Variants in GLIS2 observed in about 807,000 individuals in gnomAD.
The protein encoded by GLIS2 is GLIS family zinc finger 2.
In GLIS2, 14 loss-of-function variants were observed where a neutral mutation model predicts 35.6. The ratio of observed to expected loss-of-function variants is 0.39; its 90% CI spans 0.26 to 0.61. The LOEUF (loss-of-function observed/expected upper bound fraction) is 0.61. GLIS2 is among the 20% of genes least tolerant of loss of function. The probability of loss-of-function intolerance (pLI) is 0.48; values close to 1 mark genes in which losing one functional copy is unlikely to be tolerated. For synonymous variants in GLIS2, 368 were observed against 325.1 expected, an observed-to-expected ratio of 1.13 and a Z score of -1.42; for missense variants, 675 against 713.4, an observed-to-expected ratio of 0.95 and a Z score of 0.61.
intron 1 of GLIS2, among the ~76,000 whole-genome samples, chr16:4,322,020 G>A (rs1439988669): frequency 6.6e-6 from 1 of 152,198 alleles, no homozygotes; most frequent in African/African-American, 2.4e-5. Context: ...AGGCTGGGGA[G>A]GGTGAACCAG....
chr16:4,327,034 A>C (rs1014148748), intron 1 of GLIS2, among the ~76,000 whole-genome samples: 4 of 152,142 alleles, frequency 2.6e-5, no homozygotes, highest in Non-Finnish European at 5.9e-5. Flanking sequence ...CTGGGATTAC[A>C]GGCATGAGCC....
chr16:4,337,421 C>A lies in GLIS2; in HGVS notation c.1472C>A (p.Ser491Tyr). The change falls in exon 7 of 7, where the codon TCC becomes TAC. Residue 491 changes from serine (S) to tyrosine (Y), a missense_variant. Transcript: ENST00000433375. Reference protein sequence around the residue: ...PLLPGTVLDLSTGVNSAASSP... With the variant: ...PLLPGTVLDLYTGVNSAASSP... Reference sequence around the variant, plus strand: ...CTGCCAGGCACCGTGCTGGACCTGTCCACGGGCGTCAACTCAGCTGCCAGC... The same window carrying A: ...CTGCCAGGCACCGTGCTGGACCTGTACACGGGCGTCAACTCAGCTGCCAGC... The A allele has an allele frequency of 6.3e-7, 1 of 1,585,742 alleles. No homozygotes were observed. The highest frequency in any genetic ancestry group is 8.6e-7 in the Non-Finnish European group (1 of 1,167,918).
chr16:4,320,294 C>A lies in GLIS2; in HGVS notation c.-67+4040C>A, dbSNP rs1398819361. 6.6e-6 allele frequency among the ~76,000 whole-genome samples: 1 copy of A among 152,092 alleles called. No homozygotes were observed. The highest frequency in any genetic ancestry group is 1.9e-4 in the East Asian group (1 of 5,174). On this transcript the variant is annotated intron_variant, in intron 1 of 6. Transcript: ENST00000433375. The surrounding 1 kb of genome is among the most constrained non-coding windows in gnomAD (Gnocchi z 5.6). ...GACCGCTGAGTGGACTGAGTCAGCC[C>A]CCGGCCGGGAGCCTCCGGAAAACAG...
rs552030651 is a variant in GLIS2, at chr16:4,317,973, C to T, written c.-67+1719C>T. 7.9e-5 allele frequency among the ~76,000 whole-genome samples: 12 copies of T among 152,314 alleles called. 1 individual carries two copies. In the South Asian group the frequency reaches 1.7e-3, roughly 21 times the overall value. ...TTAAATCCCTCCAGCTGGGGCTCTT[C>T]GGCCCCTGAGTGACCCTGGCCCAGG... On this transcript the variant is annotated intron_variant, in intron 1 of 6. Transcript: ENST00000433375.
At chr16:4,329,784 G>A (rs1173651956) in intron 1 of GLIS2, among the ~76,000 whole-genome samples, 1 of 152,228 alleles carries the variant, frequency 6.6e-6, no homozygotes, top group East Asian at 1.9e-4. Flanking sequence ...CCAATACCGC[G>A]AAAGACGGGA....
At position 4,335,027 on chromosome 16, in the gene GLIS2, G is replaced by T. The variant is rs371844098; in HGVS notation, c.523-33G>T. 6.2e-7 allele frequency: 1 copy of T among 1,613,222 alleles called. No individual in the cohort carries two copies. The highest frequency in any genetic ancestry group is 1.1e-5 in the South Asian group (1 of 91,078). ...TGTGGAGTCTGGGGCAGGTCACCCC[G>T]CATGGGCTCAGAACACTTCCCATCC... On this transcript the variant is annotated intron_variant, in intron 4 of 6. Coordinates refer to ENST00000433375, the MANE Select transcript of GLIS2 (RefSeq NM_032575.3). The surrounding 1 kb of genome is among the most constrained non-coding windows in gnomAD (Gnocchi z 4.6).
At chr16:4,331,053 T>C (rs972113615) in intron 1 of GLIS2, among the ~76,000 whole-genome samples, 4 of 152,146 alleles carry the variant, frequency 2.6e-5, no homozygotes, top group Admixed American at 2.6e-4. Flanking sequence ...CTCGGCTCAC[T>C]GCAAGCTCTG....
In GLIS2 at chr16:4,335,425, T is replaced by C. The variant is rs1405434788; in HGVS notation, c.775+32T>C. On this transcript the variant is annotated intron_variant, in intron 6 of 6. Coordinates refer to ENST00000433375, the MANE Select transcript of GLIS2 (RefSeq NM_032575.3). This position sits in a 1 kb window ranked among gnomAD's most constrained non-coding sequence, Gnocchi z 4.6. ...GGCCGGGGCCGGGCGGCTTGGCCCA[T>C]GAAGGGGGCGCTCAGCTGAGACCGG... 6 of 1,597,500 alleles carry C rather than the reference T, an allele frequency of 3.8e-6. No homozygotes were observed. Among genetic ancestry groups the C allele is most frequent in the Non-Finnish European group, 5.1e-6 (6 of 1,166,232 alleles).
rs749658548 is a variant in GLIS2 at position 4,336,816 on chromosome 16, G to A, written c.867G>A (p.Val289=). The A allele has an allele frequency of 9.9e-6, 16 of 1,612,100 alleles. No homozygotes were observed. The highest frequency in any genetic ancestry group is 3.3e-5 in the Admixed American group (2 of 59,906). Residue 289 remains valine (V), a synonymous_variant, in exon 7 of 7, where the codon GTG becomes GTA. Transcript: ENST00000433375. ...TTAAGCACACGCGCACCCACTATGT[G>A]GACAAGCCCTACTACTGCAAGATGC... ...DRFKHTRTHY[V]DKPYYCKMPG...
chr16:4,317,340 A>T (rs1026035744), intron 1 of GLIS2, among the ~76,000 whole-genome samples: 4 of 152,036 alleles, frequency 2.6e-5, no homozygotes, highest in African/African-American at 9.7e-5. Flanking sequence ...GGCCTGGGCC[A>T]TGGTTCTTGG....
chr16:4,323,642 G>T (rs1208389117), intron 1 of GLIS2, among the ~76,000 whole-genome samples: 2 of 152,162 alleles, frequency 1.3e-5, no homozygotes, highest in African/African-American at 2.4e-5. Flanking sequence ...TGCCTCTGGT[G>T]GGGCATCTCC....
intron 6 of GLIS2, chr16:4,336,287 C>T: frequency 3.1e-6 from 1 of 319,618 alleles, no homozygotes; most frequent in Non-Finnish European, 6.1e-6. Flanking sequence ...GCTGGGATTA[C>T]AGGCACCTGC....
Position 4,320,534 on chromosome 16 carries a change from G to A in GLIS2, c.-67+4280G>A, listed in dbSNP as rs1006834883. On this transcript the variant is annotated intron_variant, in intron 1 of 6. Coordinates refer to ENST00000433375, the MANE Select transcript of GLIS2 (RefSeq NM_032575.3). The surrounding 1 kb of genome is among the most constrained non-coding windows in gnomAD (Gnocchi z 5.6). Reference sequence around the variant, plus strand: ...GTCTGGCCCTGACCCCTGAAATGTCGGTTTAGCCTGGGAATCCCCCCAGCT... The same window carrying A: ...GTCTGGCCCTGACCCCTGAAATGTCAGTTTAGCCTGGGAATCCCCCCAGCT... Among the ~76,000 whole-genome samples, 15 of 151,570 alleles carry A rather than the reference G, an allele frequency of 9.9e-5. No individual in the cohort carries two copies. Among genetic ancestry groups the A allele is most frequent in the African/African-American group, 1.5e-4 (6 of 40,978 alleles).
chr16:4,332,580 A>G lies in GLIS2; in HGVS notation c.172+128A>G. On this transcript the variant is annotated intron_variant, in intron 2 of 6. Transcript: ENST00000433375. This position sits in a 1 kb window ranked among gnomAD's most constrained non-coding sequence, Gnocchi z 5.4. ...GGCTTCCGGTTCATGGGAAGCCCGC[A>G]CGCTTGTCCTTCCATCCGCCCAGCA... The G allele has an allele frequency of 9.2e-7, 1 of 1,092,012 alleles. No individual in the cohort carries two copies. 67.6% of individuals were successfully genotyped at this position (1,092,012 alleles called of 1,614,324 possible).
chr16:4,328,617 T>G (rs2053463741), intron 1 of GLIS2, among the ~76,000 whole-genome samples: 1 of 152,188 alleles, frequency 6.6e-6, no homozygotes, highest in Non-Finnish European at 1.5e-5. Flanking sequence ...GGCTCTGGCC[T>G]GCATTGGAAT....
At chr16:4,334,706 ATGTCTC>A in intron 3 of GLIS2, 89 bp from the exon 4 acceptor site, 1 of 1,449,236 alleles carries the variant, frequency 6.9e-7, no homozygotes, top group African/African-American at 1.4e-5. Context: ...GAGGACCTGA[ATGTCTC>A]TGTTTGGGGA....
chr16:4,324,201 T>C (rs2053406961), intron 1 of GLIS2, among the ~76,000 whole-genome samples: 4 of 152,088 alleles, frequency 2.6e-5, no homozygotes, highest in Admixed American at 2.0e-4. Flanking sequence ...GGGGAGGGGC[T>C]GCCTACTGAG....
intron 3 of GLIS2, among the ~76,000 whole-genome samples, chr16:4,334,423 A>C (rs1321989413): frequency 6.6e-6 from 1 of 151,260 alleles, no homozygotes; most frequent in Non-Finnish European, 1.5e-5. Flanking sequence ...TTTTTAGCAG[A>C]CATGGGGTTT....
chr16:4,332,352 G>C lies in GLIS2; in HGVS notation c.72G>C (p.Arg24=). 1.2e-6 allele frequency: 2 copies of C among 1,613,164 alleles called. No individual in the cohort carries two copies. The highest frequency in any genetic ancestry group is 8.5e-7 in the Non-Finnish European group (1 of 1,180,022). Residue 24 remains arginine (R), a synonymous_variant, in exon 2 of 7, where the codon CGG becomes CGC. Transcript: ENST00000433375. The surrounding 1 kb of genome is among the most constrained non-coding windows in gnomAD (Gnocchi z 5.4). ...ITKLRAAREK[R]ERTLGVVRPR... ...AGCTCCGGGCGGCAAGAGAGAAGCG[G>C]GAGAGGACGCTGGGTGTGGTCCGGC...
Sources: gnomAD v4.1 joint callset for allele counts (sites outside exome capture counted in the v4.1 genomes callset) on GRCh38, gnomAD v4.1.1 for gene constraint, Gnocchi (gnomAD v3.1) non-coding constraint, MANE v1.5 for transcripts, NCBI Gene and HGNC (gene_info 2026-07-23, HGNC 2026-07-21) for gene names.